HTT: variants seen among roughly 807,000 people sequenced by gnomAD.
HTT encodes the protein huntingtin, also known as huntington disease protein.
A neutral mutation model predicts 362.3 loss-of-function variants in HTT; 104 were observed. That is an observed-to-expected ratio of 0.29 (90% CI 0.24 to 0.34). The LOEUF (loss-of-function observed/expected upper bound fraction) is 0.34. Ranked by LOEUF, HTT falls within the 10% of genes least tolerant of loss-of-function variation. HTT has a pLI of 1.00. For missense variants in HTT, 3,301 were observed against 3,928.6 expected (o/e 0.84, Z 4.27); for synonymous variants, 1,577 against 1,548.7 (o/e 1.02, Z -0.43).
At chr4:3,203,931 T>C (rs1719717242) in intron 41 of HTT, 76 bp from the exon 42 acceptor site, 7 of 1,410,960 alleles carry the variant, frequency 5.0e-6, no homozygotes, top group Non-Finnish European at 7.0e-6. Context: ...GAATTAAACA[T>C]AATCATCTTC....
chr4:3,117,054 T>C (rs1197569932), intron 8 of HTT, among the ~76,000 whole-genome samples: 2 of 152,202 alleles, frequency 1.3e-5, no homozygotes. Flanking sequence ...AGTTAGGTAG[T>C]GTTTGTAAAA....
At position 3,074,962 on chromosome 4, in the gene HTT, C is replaced by T. The variant is rs1365030065; in HGVS notation, c.137C>T (p.Pro46Leu). Residue 46 changes from proline to leucine, a missense_variant, in exon 1 of 67, where the codon CCG becomes CTG. By Grantham distance (98) the Pro-to-Leu change is moderately conservative. Coordinates refer to ENST00000355072, the MANE Select transcript of HTT (RefSeq NM_001388492.1). ...QQQPPPPPPP[P>L]PPPQLPQPPP... ...CAGCCGCCACCGCCGCCGCCGCCGC[C>T]GCCGCCTCCTCAGCTTCCTCAGCCG... 4 of 1,482,110 alleles carry T rather than the reference C, an allele frequency of 2.7e-6. No homozygotes were observed. In the East Asian group the frequency reaches 1.1e-4, roughly 42 times the overall value. 91.8% of individuals were successfully genotyped at this position (1,482,110 alleles called of 1,614,324 possible).
chr4:3,110,283 G>A (rs113383105), intron 6 of HTT, among the ~76,000 whole-genome samples: 2,029 of 152,122 alleles, frequency 0.013, 49 homozygotes, highest in African/African-American at 0.046. Flanking sequence ...TGGCCTTTTT[G>A]TCTTCTCACA....
At chr4:3,117,596 G>A (rs898910471) in intron 8 of HTT, among the ~76,000 whole-genome samples, 2 of 152,040 alleles carry the variant, frequency 1.3e-5, no homozygotes, top group African/African-American at 2.4e-5. Flanking sequence ...CAGAACTTTG[G>A]GAGGCCAAGC....
intron 2 of HTT, among the ~76,000 whole-genome samples, chr4:3,095,517 G>A (rs918700701): frequency 6.6e-6 from 1 of 151,964 alleles, no homozygotes; most frequent in Non-Finnish European, 1.5e-5. Flanking sequence ...GAGACTGTGC[G>A]AGGGCGAGGG....
intron 60 of HTT, 75 bp from the exon 61 acceptor site, chr4:3,233,088 G>A (rs934318098): frequency 1.9e-5 from 25 of 1,291,608 alleles, no homozygotes; most frequent in Admixed American, 5.9e-5. Flanking sequence ...CAGCGCCCCC[G>A]CCTCGGCTGT....
chr4:3,104,253 C>T lies in HTT; in HGVS notation c.528+370C>T, dbSNP rs568885856. On this transcript the variant is annotated intron_variant, in intron 4 of 66. Transcript: ENST00000355072. ...ACCTCAGGTGATCCGCCCGCCTCGG[C>T]CTCCCAAAGTGTTGGGATTACAGGC... Among the ~76,000 whole-genome samples, 3 of 152,144 alleles carry T rather than the reference C, an allele frequency of 2.0e-5. No individual in the cohort carries two copies. In the South Asian group the frequency reaches 6.2e-4, roughly 32 times the overall value.
chr4:3,083,966 G>A (rs531002326), intron 1 of HTT, among the ~76,000 whole-genome samples: 13 of 152,240 alleles, frequency 8.5e-5, no homozygotes, highest in South Asian at 4.1e-4. Context: ...AACAGTTTAG[G>A]TGAAGTTATG....
intron 39 of HTT, chr4:3,188,087 T>G: frequency 1.9e-6 from 1 of 530,770 alleles, no homozygotes. Context: ...TTCTGTCATG[T>G]TCTGTCTCTT....
chr4:3,142,932 T>C, intron 23 of HTT, 46 bp downstream of exon 23: 9 of 1,563,074 alleles, frequency 5.8e-6, no homozygotes, highest in Non-Finnish European at 7.9e-6. Flanking sequence ...TAATAGTTTT[T>C]GGTAGCTTGT....
intron 36 of HTT, 69 bp from the exon 37 acceptor site, chr4:3,182,285 C>A: frequency 1.1e-6 from 1 of 947,642 alleles, no homozygotes. Context: ...ACAAGTATAA[C>A]AGACGGACAC....
chr4:3,210,091 A>T (rs1435912712), intron 47 of HTT, 142 bp downstream of exon 47: 1 of 1,034,978 alleles, frequency 9.7e-7, no homozygotes, highest in African/African-American at 1.6e-5. Flanking sequence ...TGTCGGAGAG[A>T]CTCCACTCTG....
chr4:3,241,491 C>CG lies in HTT; in HGVS notation c.*1433dup, dbSNP rs538524560. The CG allele has an allele frequency of 9.6e-4, 146 of 152,304 alleles. No homozygotes were observed. The highest frequency in any genetic ancestry group is 3.4e-3 in the African/African-American group (143 of 41,530). 9.4% of individuals were successfully genotyped at this position (152,304 alleles called of 1,614,324 possible). On this transcript the variant is annotated 3_prime_UTR_variant, in exon 67 of 67. Coordinates refer to ENST00000355072, the MANE Select transcript of HTT (RefSeq NM_001388492.1). ...AGCTGGATTTGGGAGCTCTGCTTGCCGACTGGCTGTGAGACGAGGCAGGGG... is the reference window on the plus strand; with the variant it reads ...AGCTGGATTTGGGAGCTCTGCTTGCCGGACTGGCTGTGAGACGAGGCAGGGG...
chr4:3,134,953 G>A (rs1715991397), intron 19 of HTT, among the ~76,000 whole-genome samples: 2 of 122,862 alleles, frequency 1.6e-5, no homozygotes, highest in Non-Finnish European at 3.4e-5. Flanking sequence ...AAACTCCTGG[G>A]CTTGATTGAT....
intron 26 of HTT, among the ~76,000 whole-genome samples, chr4:3,153,898 G>A (rs942379597): frequency 2.6e-5 from 4 of 152,056 alleles, no homozygotes; most frequent in Middle Eastern, 3.2e-3. Context: ...CCTGGGTGAC[G>A]AGTGAGACCC....
chr4:3,131,885 G>A, intron 16 of HTT, 110 bp downstream of exon 16: 1 of 1,059,106 alleles, frequency 9.4e-7, no homozygotes, highest in Non-Finnish European at 1.4e-6. Context: ...AGTTCATTTG[G>A]GATATTTGAC....
intron 57 of HTT, 108 bp downstream of exon 57, chr4:3,225,851 G>C: frequency 1.1e-4 from 80 of 699,628 alleles, no homozygotes; most frequent in Non-Finnish European, 1.8e-4. Flanking sequence ...ATGAAAGGAA[G>C]TTTTCCTTTT....
chr4:3,104,234 G>T (rs971732289), intron 4 of HTT, among the ~76,000 whole-genome samples: 8 of 151,910 alleles, frequency 5.3e-5, no homozygotes, highest in African/African-American at 1.9e-4. Flanking sequence ...CCTGACCTCA[G>T]GTGATCCGCC....
chr4:3,103,774 G>C (rs1188181857), intron 3 of HTT, 50 bp from the exon 4 acceptor site: 2 of 1,158,342 alleles, frequency 1.7e-6, no homozygotes, highest in Non-Finnish European at 2.6e-6. Context: ...GCTCGTTTTA[G>C]AACTAGTGAT....
Sources: allele counts gnomAD v4.1 joint callset (sites outside exome capture counted in the v4.1 genomes callset), GRCh38; gene constraint gnomAD v4.1.1; transcripts MANE v1.5; gene names NCBI Gene and HGNC (gene_info 2026-07-23, HGNC 2026-07-21).